Variants in MPP3 observed in about 807,000 individuals in gnomAD.
The protein encoded by MPP3 is MAGUK p55 subfamily member 3.
In MPP3, 48 loss-of-function variants were observed where a neutral mutation model predicts 80.7. That is an observed-to-expected ratio of 0.59 (90% CI 0.47 to 0.76). The LOEUF (loss-of-function observed/expected upper bound fraction) is 0.76, where lower values mean the gene tolerates loss of function less well. MPP3 is among the 30% of genes least tolerant of loss of function. MPP3 has a pLI of 0.00. For synonymous variants in MPP3, 311 were observed against 297.6 expected (o/e 1.04, Z -0.46); for missense variants, 620 against 763.0 (o/e 0.81, Z 2.21).
At chr17:43,832,601 C>A (rs994952560) in intron 2 of MPP3, among the ~76,000 whole-genome samples, 160 bp downstream of exon 2, 1 of 152,184 alleles carries the variant, frequency 6.6e-6, no homozygotes, top group Non-Finnish European at 1.5e-5. Context: ...CTCAAAAAGT[C>A]CTCCTTAGGA....
chr17:43,806,322 C>G (rs913218546), intron 19 of MPP3, among the ~76,000 whole-genome samples: 1 of 152,002 alleles, frequency 6.6e-6, no homozygotes, highest in African/African-American at 2.4e-5. Context: ...CCTGCCACCA[C>G]GCCCAGCTAA....
chr17:43,814,590 A>ACGTGAC, intron 14 of MPP3: 1 of 435,362 alleles, frequency 2.3e-6, no homozygotes, highest in South Asian at 5.3e-5. Flanking sequence ...TTTACTTGGC[A>ACGTGAC]TGTGACTGAC....
intron 18 of MPP3, among the ~76,000 whole-genome samples, chr17:43,809,547 G>A (rs2044756243): frequency 6.6e-6 from 1 of 152,140 alleles, no homozygotes; most frequent in African/African-American, 2.4e-5. Flanking sequence ...AAGCAAATGA[G>A]ATTACTGAAC....
intron 8 of MPP3, among the ~76,000 whole-genome samples, chr17:43,826,256 G>C (rs915519185): frequency 6.6e-6 from 1 of 152,190 alleles, no homozygotes; most frequent in Non-Finnish European, 1.5e-5. Flanking sequence ...GAAAGACAAA[G>C]GCACCAATGA....
chr17:43,828,179 C>G (rs1224035801), intron 7 of MPP3, among the ~76,000 whole-genome samples: 3 of 152,176 alleles, frequency 2.0e-5, no homozygotes, highest in Non-Finnish European at 4.4e-5. Context: ...ACAGTTCCTA[C>G]CACTTGCAAA....
In MPP3 at chr17:43,820,904, T is replaced by TTGG; in HGVS notation, c.836_838dup (p.Thr279dup). 2.5e-6 allele frequency: 4 copies of TTGG among 1,614,098 alleles called. No homozygotes were observed. Among genetic ancestry groups the TTGG allele is most frequent in the Non-Finnish European group, 3.4e-6 (4 of 1,180,006 alleles). ...GGAGGGGATGAGGCCGGCTCGAAGG[T>TTGG]TGGTGTCCCCGACTCGCTTGGCCTG... On this transcript the variant is annotated inframe_insertion, in exon 11 of 20. Transcript: ENST00000398389.
intron 8 of MPP3, 108 bp downstream of exon 8, chr17:43,827,643 C>T: frequency 9.9e-7 from 1 of 1,014,582 alleles, no homozygotes; most frequent in Non-Finnish European, 1.5e-6. Flanking sequence ...AAATCCCAAA[C>T]AGGTGACCTG....
chr17:43,812,956 G>A (rs1191007698), intron 16 of MPP3, among the ~76,000 whole-genome samples: 1 of 152,192 alleles, frequency 6.6e-6, no homozygotes, highest in Non-Finnish European at 1.5e-5. Context: ...ACAACCCACA[G>A]ACTAGACGCT....
chr17:43,817,762 C>A (rs993224471), intron 12 of MPP3, among the ~76,000 whole-genome samples: 3 of 152,188 alleles, frequency 2.0e-5, no homozygotes, highest in African/African-American at 4.8e-5. Context: ...GATCCTCACA[C>A]GCACATGCAC....
Position 43,811,115 on chromosome 17 carries a change from T to G in MPP3, c.1346A>C (p.Asn449Thr), listed in dbSNP as rs922538411. 1.2e-6 allele frequency: 2 copies of G among 1,613,504 alleles called. No individual in the cohort carries two copies. Among genetic ancestry groups the G allele is most frequent in the Admixed American group, 3.3e-5 (2 of 60,032 alleles). ...KQAFEADLHH[N>T]KFLEHGEYKE... ...ACTGGCCCATCAAGCAACGTACTTGTTGTGATGTAAGTCGGCCTCAAATGC... is the reference window on the plus strand; with the variant it reads ...ACTGGCCCATCAAGCAACGTACTTGGTGTGATGTAAGTCGGCCTCAAATGC... The change falls in exon 17 of 20, where the codon AAC becomes ACC. Residue 449 changes from asparagine to threonine, a missense_variant. By Grantham distance (65) the Asn-to-Thr change is moderately conservative. Transcript: ENST00000398389.
chr17:43,832,155 T>C (rs1475023850), intron 2 of MPP3: 1 of 546,286 alleles, frequency 1.8e-6, no homozygotes, highest in South Asian at 2.6e-5. Context: ...GGGTGATTTC[T>C]ATGATAAACT....
At chr17:43,817,901 A>ACCCC (rs2045227506) in intron 12 of MPP3, 145 bp downstream of exon 12, 2 of 155,400 alleles carry the variant, frequency 1.3e-5, no homozygotes, top group South Asian at 8.2e-5. Context: ...CCTACTTCCC[A>ACCCC]CCCCCTCCTT....
intron 17 of MPP3, 84 bp downstream of exon 17, chr17:43,811,028 G>A (rs2154591212): frequency 6.8e-7 from 1 of 1,460,990 alleles, no homozygotes; most frequent in Non-Finnish European, 9.6e-7. Context: ...TCCTTTCCGG[G>A]AGTCCTCCCA....
At chr17:43,826,216 C>A (rs542205504) in intron 8 of MPP3, among the ~76,000 whole-genome samples, 1 of 152,358 alleles carries the variant, frequency 6.6e-6, no homozygotes, top group South Asian at 2.1e-4. Context: ...ATCATTAACT[C>A]TTAGAATGGC....
chr17:43,832,361 G>T (rs1440300632), intron 2 of MPP3: 1 of 214,766 alleles, frequency 4.7e-6, no homozygotes, highest in Non-Finnish European at 9.2e-6. Flanking sequence ...CCCCTCCACT[G>T]CAACCTTCTA....
At chr17:43,821,155 T>G in intron 10 of MPP3, 97 bp from the exon 11 acceptor site, 1 of 1,168,582 alleles carries the variant, frequency 8.6e-7, no homozygotes. Flanking sequence ...CCATCCACAC[T>G]TAGGAGGACC....
intron 12 of MPP3, 141 bp downstream of exon 12, chr17:43,817,905 C>G (rs2045228038): frequency 2.0e-6 from 1 of 511,646 alleles, no homozygotes; most frequent in African/African-American, 2.0e-5. Context: ...CTTCCCACCC[C>G]CTCCTTCCTC....
intron 10 of MPP3, among the ~76,000 whole-genome samples, chr17:43,821,480 T>C (rs1003157448): frequency 6.6e-6 from 1 of 152,250 alleles, no homozygotes; most frequent in Non-Finnish European, 1.5e-5. Flanking sequence ...CCATCTGTTA[T>C]ATAAGTAATC....
intron 19 of MPP3, among the ~76,000 whole-genome samples, chr17:43,808,382 G>C (rs2044709916): frequency 6.6e-6 from 1 of 152,194 alleles, no homozygotes; most frequent in Admixed American, 6.5e-5. Flanking sequence ...ACACCTCCTG[G>C]AAGAACTCTG....
Sources: allele counts gnomAD v4.1 joint callset (sites outside exome capture counted in the v4.1 genomes callset), GRCh38; gene constraint gnomAD v4.1.1; transcripts MANE v1.5; gene names NCBI Gene and HGNC (gene_info 2026-07-23, HGNC 2026-07-21).